Variants in STPG2 observed in about 807,000 individuals in gnomAD.
The protein encoded by STPG2 is sperm-tail PG-rich repeat-containing protein 2.
In STPG2, 56 loss-of-function variants were observed where a neutral mutation model predicts 54.2. The observed-to-expected ratio is 1.03, with a 90% confidence interval of 0.83 to 1.29. The LOEUF is 1.29. STPG2 is among the 50% of genes most tolerant of loss of function. The pLI, the probability that STPG2 is intolerant of heterozygous loss-of-function variation, is 0.00. For synonymous variants in STPG2, 200 were observed against 181.8 expected (o/e 1.10, Z -0.81); for missense variants, 596 against 544.9 (o/e 1.09, Z -0.93).
At chr4:97,791,488 G>T (rs959590220) in intron 9 of STPG2, among the ~76,000 whole-genome samples, 1 of 152,006 alleles carries the variant, frequency 6.6e-6, no homozygotes, top group Non-Finnish European at 1.5e-5. Context: ...AGTTGTCAAA[G>T]TCAGAAATAC....
chr4:98,063,041 C>T (rs756054062), intron 5 of STPG2, among the ~76,000 whole-genome samples: 5 of 152,044 alleles, frequency 3.3e-5, no homozygotes, highest in Non-Finnish European at 7.4e-5. Context: ...TGAGCCAGCA[C>T]ACCAGGCTTC....
In STPG2 at chr4:97,955,213, A is replaced by ATT. The variant is rs140086064; in HGVS notation, c.934-11208_934-11207dup. On this transcript the variant is annotated intron_variant, in intron 7 of 10. Transcript: ENST00000295268. ...GCAAAAAAAGTTGTAATACAGAAGA[A>ATT]TTTTTTTTTTTTTTTTTTTGAGACA... is the stretch of plus-strand genomic sequence containing the variant. Among the ~76,000 whole-genome samples, 711 of 137,376 alleles carry ATT rather than the reference A, an allele frequency of 5.2e-3. 6 individuals carry two copies. The highest frequency in any genetic ancestry group is 0.012 in the African/African-American group (428 of 37,028). 90.1% of individuals were successfully genotyped at this position (137,376 alleles called of 152,430 possible).
At chr4:97,737,077 C>T (rs534312824) in intron 9 of STPG2, among the ~76,000 whole-genome samples, 9 of 152,262 alleles carry the variant, frequency 5.9e-5, no homozygotes, top group South Asian at 2.1e-4. Context: ...CTGCAGCCAC[C>T]GCTGCTGGAA....
intron 10 of STPG2, among the ~76,000 whole-genome samples, chr4:97,675,941 A>G (rs186007410): frequency 5.5e-4 from 80 of 146,544 alleles, no homozygotes; most frequent in African/African-American, 1.8e-3. Context: ...TATATGCTAT[A>G]TATATAGTAT....
At chr4:97,923,302 A>C (rs941662624) in intron 8 of STPG2, among the ~76,000 whole-genome samples, 19,172 of 116,850 alleles carry the variant, frequency 0.16, no homozygotes, top group Non-Finnish European at 0.19. Flanking sequence ...TTCCCCTCCC[A>C]CCCCCCCCGC....
At chr4:97,637,365 G>GA (rs1721587069) in intron 10 of STPG2, among the ~76,000 whole-genome samples, 1 of 152,096 alleles carries the variant, frequency 6.6e-6, no homozygotes, top group Admixed American at 6.5e-5. Context: ...AGCTATCTAT[G>GA]ACAAACCCAC....
At chr4:97,932,077 T>A (rs908693383) in intron 8 of STPG2, among the ~76,000 whole-genome samples, 2 of 152,198 alleles carry the variant, frequency 1.3e-5, no homozygotes, top group African/African-American at 4.8e-5. Flanking sequence ...TTCTGTGGGA[T>A]CTGTAGTAAC....
At chr4:97,497,356 T>C (rs1292388370) in intron 4 of STPG2, among the ~76,000 whole-genome samples, 5 of 151,888 alleles carry the variant, frequency 3.3e-5, no homozygotes, top group South Asian at 2.1e-4. Flanking sequence ...TTATTGATTA[T>C]GTTACATAAA....
chr4:97,850,144 C>A (rs901409951), intron 8 of STPG2, among the ~76,000 whole-genome samples: 1 of 149,692 alleles, frequency 6.7e-6, no homozygotes, highest in Non-Finnish European at 1.5e-5. Flanking sequence ...AATTGGAAAC[C>A]ATCATTCTCA....
At chr4:97,576,839 A>T (rs1732736073) in intron 10 of STPG2, among the ~76,000 whole-genome samples, 1 of 152,194 alleles carries the variant, frequency 6.6e-6, no homozygotes, top group African/African-American at 2.4e-5. Context: ...AACATTCACA[A>T]ATGAGGCATC....
chr4:97,735,148 A>G, intron 9 of STPG2, among the ~76,000 whole-genome samples: 1 of 151,970 alleles, frequency 6.6e-6, no homozygotes, highest in East Asian at 1.9e-4. Flanking sequence ...GTGGGTGAAA[A>G]TATTTGTGAA....
chr4:97,480,319 T>TA (rs998471664), intron 4 of STPG2, among the ~76,000 whole-genome samples: 1 of 151,496 alleles, frequency 6.6e-6, no homozygotes, highest in African/African-American at 2.4e-5. Context: ...TTTACCCATT[T>TA]AAAAAAAGAA....
At chr4:97,690,707 G>A (rs1481507908) in intron 10 of STPG2, among the ~76,000 whole-genome samples, 1 of 152,122 alleles carries the variant, frequency 6.6e-6, no homozygotes, top group Non-Finnish European at 1.5e-5. Flanking sequence ...ATCTGTGGCT[G>A]TTAATTTACA....
intron 5 of STPG2, among the ~76,000 whole-genome samples, chr4:98,049,345 C>A (rs2149312756): frequency 6.6e-6 from 1 of 152,246 alleles, no homozygotes; most frequent in South Asian, 2.1e-4. Flanking sequence ...TGAGCTTCCT[C>A]AGCTTCAGAA....
chr4:97,766,888 C>G (rs1285868270), intron 9 of STPG2, among the ~76,000 whole-genome samples: 1 of 151,014 alleles, frequency 6.6e-6, no homozygotes, highest in South Asian at 2.1e-4. Flanking sequence ...TTGTATCACC[C>G]ACTGTAATTT....
chr4:97,871,396 T>G (rs967616082), intron 8 of STPG2, among the ~76,000 whole-genome samples: 3 of 150,582 alleles, frequency 2.0e-5, no homozygotes, highest in African/African-American at 7.3e-5. Context: ...CACCAGTAGC[T>G]AATCTAATTT....
intron 8 of STPG2, among the ~76,000 whole-genome samples, chr4:97,906,797 C>T (rs1273295699): frequency 6.6e-6 from 1 of 152,078 alleles, no homozygotes; most frequent in African/African-American, 2.4e-5. Flanking sequence ...GCAGAAAAGG[C>T]CTTTGACAAA....
chr4:97,796,701 T>C (rs2149085355), intron 9 of STPG2, among the ~76,000 whole-genome samples: 1 of 152,318 alleles, frequency 6.6e-6, no homozygotes, highest in Non-Finnish European at 1.5e-5. Context: ...CTTAGTTCCA[T>C]ATAAACTTTA....
intron 5 of STPG2, among the ~76,000 whole-genome samples, chr4:98,084,903 G>A (rs113684142): frequency 0.012 from 1,789 of 152,126 alleles, 29 homozygotes; most frequent in African/African-American, 0.041. Context: ...GTCTTGGCTA[G>A]ACTTTTCATT....
Sources: gnomAD v4.1 joint callset for allele counts (sites outside exome capture counted in the v4.1 genomes callset) on GRCh38, gnomAD v4.1.1 for gene constraint, MANE v1.5 for transcripts, NCBI Gene and HGNC (gene_info 2026-07-23, HGNC 2026-07-21) for gene names.